Variants in FARS2 observed in about 807,000 individuals in gnomAD.
FARS2 encodes the protein phenylalanyl-tRNA synthetase 2, mitochondrial, also known as phenylalanine--tRNA ligase, mitochondrial.
Under a neutral mutation model 46.4 loss-of-function variants are expected in FARS2, and 40 were observed. The ratio of observed to expected loss-of-function variants is 0.86; its 90% CI spans 0.67 to 1.12. The LOEUF is 1.12. Among genes scored for constraint, FARS2 ranks in the 50% most tolerant of loss-of-function variants. FARS2 has a pLI of 0.00. For synonymous variants in FARS2, 234 were observed against 214.9 expected (o/e 1.09, Z -0.78); for missense variants, 513 against 567.9 (o/e 0.90, Z 0.98).
At chr6:5,280,608 A>G (rs1042487896) in intron 1 of FARS2, among the ~76,000 whole-genome samples, 3 of 152,020 alleles carry the variant, frequency 2.0e-5, no homozygotes, top group Non-Finnish European at 4.4e-5. Context: ...CAGTTTCTTT[A>G]TCTGGAAACT....
intron 4 of FARS2, 22 bp from the exon 5 acceptor site, chr6:5,545,158 C>G (rs1176715682): frequency 6.2e-7 from 1 of 1,611,990 alleles, no homozygotes; most frequent in Non-Finnish European, 8.5e-7. Context: ...TTAAAAACAA[C>G]TATTTTGTTT....
intron 6 of FARS2, among the ~76,000 whole-genome samples, chr6:5,625,506 G>C (rs1405641949): frequency 3.9e-5 from 6 of 152,174 alleles, no homozygotes; most frequent in Non-Finnish European, 4.4e-5. Context: ...GGTCAGCCCC[G>C]GGGGGAGGGA....
At chr6:5,572,491 C>T (rs2150562342) in intron 5 of FARS2, among the ~76,000 whole-genome samples, 1 of 152,216 alleles carries the variant, frequency 6.6e-6, no homozygotes, top group South Asian at 2.1e-4. Context: ...AATATCTAAA[C>T]TATATCAATG....
chr6:5,664,787 T>C (rs1778025160), intron 6 of FARS2, among the ~76,000 whole-genome samples: 1 of 152,178 alleles, frequency 6.6e-6, no homozygotes, highest in Admixed American at 6.5e-5. Flanking sequence ...TGAAGATTCC[T>C]ATGGGTCTAT....
At chr6:5,552,282 T>C (rs1029210586) in intron 5 of FARS2, among the ~76,000 whole-genome samples, 1 of 152,160 alleles carries the variant, frequency 6.6e-6, no homozygotes, top group Non-Finnish European at 1.5e-5. Context: ...TTAAAATGAT[T>C]GTAATTCTCT....
intron 4 of FARS2, among the ~76,000 whole-genome samples, chr6:5,446,841 T>C (rs1764213161): frequency 6.6e-6 from 1 of 152,170 alleles, no homozygotes; most frequent in Non-Finnish European, 1.5e-5. Flanking sequence ...AGTCACCCAT[T>C]TCCCCCGCTG....
At chr6:5,566,372 G>A (rs934445871) in intron 5 of FARS2, among the ~76,000 whole-genome samples, 1 of 152,038 alleles carries the variant, frequency 6.6e-6, no homozygotes, top group African/African-American at 2.4e-5. Flanking sequence ...AGTAATTTCT[G>A]ATACCCCCAA....
intron 1 of FARS2, among the ~76,000 whole-genome samples, chr6:5,305,430 A>T: frequency 6.6e-6 from 1 of 152,210 alleles, no homozygotes; most frequent in East Asian, 1.9e-4. Context: ...AAGTAGTGGG[A>T]TCCCACAGTT....
intron 5 of FARS2, among the ~76,000 whole-genome samples, chr6:5,573,057 CT>C (rs1772750779): frequency 6.6e-6 from 1 of 152,210 alleles, no homozygotes; most frequent in African/African-American, 2.4e-5. Flanking sequence ...GCCTCGCCCC[CT>C]GCTCCCTTAT....
intron 2 of FARS2, among the ~76,000 whole-genome samples, chr6:5,373,882 A>G (rs1759214123): frequency 6.6e-6 from 1 of 152,114 alleles, no homozygotes; most frequent in African/African-American, 2.4e-5. Context: ...AGAAAGATCT[A>G]TCAGTCACAA....
At chr6:5,265,620 T>C (rs730594) in intron 1 of FARS2, among the ~76,000 whole-genome samples, 122,464 of 152,224 alleles carry the variant, frequency 0.8, 49,823 homozygotes, top group African/African-American at 0.93. Flanking sequence ...CCTAGCAATT[T>C]AAGTTACTGT....
intron 2 of FARS2, among the ~76,000 whole-genome samples, chr6:5,403,013 G>T (rs1282622584): frequency 1.3e-5 from 2 of 151,662 alleles, no homozygotes; most frequent in African/African-American, 4.9e-5. Flanking sequence ...GTTTTGACTG[G>T]CATTCCTTCC....
At chr6:5,439,066 C>A (rs1395286140) in intron 4 of FARS2, among the ~76,000 whole-genome samples, 1 of 152,172 alleles carries the variant, frequency 6.6e-6, no homozygotes, top group African/African-American at 2.4e-5. Flanking sequence ...TGAGTGGGAC[C>A]TGCTTCCTAG....
intron 6 of FARS2, among the ~76,000 whole-genome samples, chr6:5,680,204 A>G (rs970948676): frequency 1.3e-5 from 2 of 152,180 alleles, no homozygotes; most frequent in Non-Finnish European, 2.9e-5. Context: ...GTGTGCTTGG[A>G]CGTTGTGTGA....
chr6:5,729,460 A>G (rs1760485972), intron 6 of FARS2, among the ~76,000 whole-genome samples: 1 of 152,208 alleles, frequency 6.6e-6, no homozygotes, highest in Non-Finnish European at 1.5e-5. Context: ...GGAAATGGGC[A>G]AAGGCAGCTG....
chr6:5,472,558 T>C (rs1358727784), intron 4 of FARS2, among the ~76,000 whole-genome samples: 1 of 152,244 alleles, frequency 6.6e-6, no homozygotes, highest in African/African-American at 2.4e-5. Flanking sequence ...ATCCTGGTTT[T>C]ATTGCACCTT....
chr6:5,453,512 C>A (rs1012821769), intron 4 of FARS2, among the ~76,000 whole-genome samples: 1 of 152,158 alleles, frequency 6.6e-6, no homozygotes, highest in Non-Finnish European at 1.5e-5. Context: ...GGAATGTGTT[C>A]CAAACAGTTG....
chr6:5,542,190 C>T (rs538272041), intron 4 of FARS2, among the ~76,000 whole-genome samples: 11 of 152,054 alleles, frequency 7.2e-5, no homozygotes, highest in Non-Finnish European at 1.5e-4. Context: ...TCCTGTGACT[C>T]AGAATGCCTC....
the FARS2 span, among the ~76,000 whole-genome samples, chr6:5,253,041 C>T: frequency 6.6e-6 from 1 of 152,192 alleles, no homozygotes; most frequent in Non-Finnish European, 1.5e-5. Flanking sequence ...CTTTGTACTT[C>T]ATTGATAAAC....
Sources: allele counts gnomAD v4.1 joint callset (sites outside exome capture counted in the v4.1 genomes callset), GRCh38; gene constraint gnomAD v4.1.1; transcripts MANE v1.5; gene names NCBI Gene and HGNC (gene_info 2026-07-23, HGNC 2026-07-21).